VWF: variants seen among roughly 807,000 people sequenced by gnomAD.
The protein encoded by VWF is von Willebrand factor.
Under a neutral mutation model 308.6 loss-of-function variants are expected in VWF, and 176 were observed. The observed-to-expected ratio is 0.57, with a 90% CI of 0.50 to 0.65. The LOEUF (loss-of-function observed/expected upper bound fraction) is 0.65, where lower values mean the gene tolerates loss of function less well. Among genes scored for constraint, VWF ranks in the 30% least tolerant of loss-of-function variants. VWF has a pLI of 0.00. For synonymous variants in VWF, 1,385 were observed against 1,443.4 expected (o/e 0.96, Z 0.92); for missense variants, 3,146 against 3,648.2 (o/e 0.86, Z 3.55).
At chr12:6,004,527 T>C (rs1360511133) in intron 34 of VWF, among the ~76,000 whole-genome samples, 1 of 152,038 alleles carries the variant, frequency 6.6e-6, no homozygotes, top group African/African-American at 2.4e-5. Context: ...AAAAGTTTAT[T>C]AATGGAATTA....
Position 6,075,673 on chromosome 12 carries a change from C to T in VWF, c.658-122G>A. ...CCTCAGCACCTGGGACAGGCTGGCA[C>T]CAAGCACATGCATGTGTTCAATGCA... On this transcript the variant is annotated intron_variant, in intron 6 of 51. Coordinates refer to ENST00000261405, the MANE Select transcript of VWF (RefSeq NM_000552.5). The surrounding 1 kb of genome is among the most constrained non-coding windows in gnomAD (Gnocchi z 4.7). 1 of 1,038,436 alleles carries T rather than the reference C, an allele frequency of 9.6e-7. No homozygotes were observed. The highest frequency in any genetic ancestry group is 1.5e-6 in the Non-Finnish European group (1 of 684,834). 64.3% of individuals were successfully genotyped at this position (1,038,436 alleles called of 1,614,324 possible).
rs760670000 is a variant in VWF at position 6,016,634 on chromosome 12, T to C, written c.5193A>G (p.Ser1731=). 3 of 1,614,094 alleles carry C rather than the reference T, an allele frequency of 1.9e-6. No homozygotes were observed. The highest frequency in any genetic ancestry group is 2.7e-5 in the African/African-American group (2 of 74,916). Reference sequence around the variant, plus strand: ...TGGTGATGCTTCCATACTGCAGCACTGACACCTGAGTGAGACGAGGCCCTA... The same window carrying C: ...TGGTGATGCTTCCATACTGCAGCACCGACACCTGAGTGAGACGAGGCCCTA... ...ANIGPRLTQV[S]VLQYGSITTI... is the part of the protein sequence containing the mutation. Residue 1731 remains serine (S), a synonymous_variant, in exon 30 of 52, where the codon TCA becomes TCG. Coordinates refer to ENST00000261405, the MANE Select transcript of VWF (RefSeq NM_000552.5).
intron 32 of VWF, among the ~76,000 whole-genome samples, chr12:6,012,773 C>T (rs1353849028): frequency 6.6e-6 from 1 of 151,226 alleles, no homozygotes; most frequent in East Asian, 1.9e-4. Flanking sequence ...GCGATCTCGG[C>T]TCACTGCAAG....
rs71445694 is a variant in VWF, at chr12:6,029,087, C to CA, written c.2967+254dup. On this transcript the variant is annotated intron_variant, in intron 22 of 51. Transcript: ENST00000261405. The stretch of plus-strand genomic sequence containing the variant: ...GAAGGTCTACCAAGCAAATGGAAGG[C>CA]AAAAAAAAAAAAGCAGGGGTTGCAA... Among the ~76,000 whole-genome samples the CA allele has an allele frequency of 0.23, 30,517 of 130,280 alleles. 3,360 individuals carry two copies. Among genetic ancestry groups the CA allele is most frequent in the Non-Finnish European group, 0.29 (17,304 of 60,454 alleles). 85.5% of individuals were successfully genotyped at this position (130,280 alleles called of 152,430 possible). A position where few individuals can be genotyped will look rare whatever the true frequency, so the allele number is the denominator to read the frequency against.
intron 15 of VWF, among the ~76,000 whole-genome samples, chr12:6,054,974 C>G (rs1032204040): frequency 1.3e-5 from 2 of 152,172 alleles, no homozygotes; most frequent in Non-Finnish European, 1.5e-5. Context: ...GCCATCTGGT[C>G]AGCCCAGTCT....
In VWF at chr12:6,046,926, C is replaced by CCA; in HGVS notation, c.2187-111_2187-110dup. On this transcript the variant is annotated intron_variant, in intron 16 of 51. Transcript: ENST00000261405. The surrounding 1 kb of genome is among the most constrained non-coding windows in gnomAD (Gnocchi z 5.0). ...TGCCCCTTCCAACCAGGTCCCAGTC[C>CCA]CATAACCCCTCCTGAAGCACAGCTT... is the stretch of plus-strand genomic sequence containing the variant. 1.1e-6 allele frequency: 1 copy of CCA among 923,526 alleles called. No individual in the cohort carries two copies. The highest frequency in any genetic ancestry group is 2.6e-5 in the East Asian group (1 of 38,530). The allele number at this position is 923,526 out of a possible 1,614,324, so 57.2% of individuals were successfully genotyped here.
intron 50 of VWF, among the ~76,000 whole-genome samples, chr12:5,950,743 T>C (rs1174208285): frequency 6.6e-6 from 1 of 152,182 alleles, no homozygotes; most frequent in Non-Finnish European, 1.5e-5. Flanking sequence ...ATTGTCCTTA[T>C]TAAAGATCTC....
At chr12:6,044,600 G>C (rs1944429028) in intron 17 of VWF, 149 bp from the exon 18 acceptor site, 29 of 987,636 alleles carry the variant, frequency 2.9e-5, no homozygotes, top group Non-Finnish European at 4.4e-5. Flanking sequence ...CTGAGCCAGG[G>C]TCCCTGTGTG....
intron 5 of VWF, among the ~76,000 whole-genome samples, chr12:6,100,827 G>A (rs1016997899): frequency 2.0e-5 from 3 of 152,016 alleles, no homozygotes; most frequent in Admixed American, 6.6e-5. Context: ...CACCAGCATG[G>A]CACATGTATA....
chr12:6,064,289 TCCTGCC>T lies in VWF; in HGVS notation c.1383_1388del (p.Ala462_Gly463del). On this transcript the variant is annotated inframe_deletion, in exon 12 of 52. Coordinates refer to ENST00000261405, the MANE Select transcript of VWF (RefSeq NM_000552.5). ...GGACGTCCTGGCCATCCATGGCAAC[TCCTGCC>T]CCATGCTTCAGTTTCACAAGGCTGT... The T allele has an allele frequency of 6.2e-7, 1 of 1,614,124 alleles. No individual in the cohort carries two copies. Among genetic ancestry groups the T allele is most frequent in the Non-Finnish European group, 8.5e-7 (1 of 1,180,028 alleles).
chr12:6,040,090 T>A (rs770015014), intron 18 of VWF, among the ~76,000 whole-genome samples: 2 of 152,136 alleles, frequency 1.3e-5, no homozygotes, highest in Non-Finnish European at 2.9e-5. Flanking sequence ...GGGGCTGACA[T>A]AATGGGACCT....
At chr12:6,098,692 T>C (rs963777175) in intron 5 of VWF, among the ~76,000 whole-genome samples, 15 of 151,394 alleles carry the variant, frequency 9.9e-5, no homozygotes, top group Non-Finnish European at 1.5e-4. Flanking sequence ...GGCAGGAGAA[T>C]GGTGTGAACC....
At chr12:6,035,840 AC>A (rs1194435209) in intron 19 of VWF, among the ~76,000 whole-genome samples, 1 of 152,206 alleles carries the variant, frequency 6.6e-6, no homozygotes, top group Non-Finnish European at 1.5e-5. Context: ...ATGTTCTGAA[AC>A]CCAAAACTTT....
intron 5 of VWF, among the ~76,000 whole-genome samples, chr12:6,105,237 T>G (rs1416661583): frequency 6.6e-6 from 1 of 150,496 alleles, no homozygotes; most frequent in African/African-American, 2.4e-5. Context: ...ATTTATACAA[T>G]TTTTTTTTTG....
At chr12:6,106,254 C>T (rs1945242576) in intron 5 of VWF, among the ~76,000 whole-genome samples, 1 of 152,002 alleles carries the variant, frequency 6.6e-6, no homozygotes. Flanking sequence ...TATTATTCAT[C>T]CTTAAAAAGG....
intron 44 of VWF, 50 bp from the exon 45 acceptor site, chr12:5,969,441 A>G: frequency 6.2e-7 from 1 of 1,609,144 alleles, no homozygotes; most frequent in Non-Finnish European, 8.5e-7. Context: ...GCTGGAGCCC[A>G]GGGTCCCATT....
intron 47 of VWF, among the ~76,000 whole-genome samples, chr12:5,960,398 T>A (rs1373708131): frequency 6.6e-6 from 1 of 152,188 alleles, no homozygotes; most frequent in Non-Finnish European, 1.5e-5. Context: ...TCAAGTCTAG[T>A]AAGCTTCACT....
At chr12:5,964,220 A>G (rs1943355202) in intron 47 of VWF, among the ~76,000 whole-genome samples, 1 of 131,510 alleles carries the variant, frequency 7.6e-6, no homozygotes, top group South Asian at 2.4e-4. Context: ...CTGTCTAAAA[A>G]TACATACATA....
At chr12:5,993,638 T>C (rs1205935865) in intron 37 of VWF, among the ~76,000 whole-genome samples, 14 of 142,898 alleles carry the variant, frequency 9.8e-5, no homozygotes, top group African/African-American at 3.6e-4. Flanking sequence ...TATATATGTG[T>C]GTGTGTGTGT....
Sources: allele counts gnomAD v4.1 joint callset (sites outside exome capture counted in the v4.1 genomes callset), GRCh38; gene constraint gnomAD v4.1.1; non-coding constraint Gnocchi (gnomAD v3.1); transcripts MANE v1.5; gene names NCBI Gene and HGNC (gene_info 2026-07-23, HGNC 2026-07-21).